Variants in CTNNBL1 observed in about 807,000 individuals in gnomAD.
CTNNBL1 encodes the protein catenin beta like 1, also known as beta-catenin-like protein 1.
A neutral mutation model predicts 72.7 loss-of-function variants in CTNNBL1; 31 were observed. The ratio of observed to expected loss-of-function variants is 0.43; its 90% CI spans 0.32 to 0.58. The LOEUF (loss-of-function observed/expected upper bound fraction) is 0.58. Among genes scored for constraint, CTNNBL1 ranks in the 20% least tolerant of loss-of-function variants. The pLI, the probability that CTNNBL1 is intolerant of heterozygous loss-of-function variation, is 0.08. For missense variants in CTNNBL1, 534 were observed against 725.1 expected (o/e 0.74, Z 3.03); for synonymous variants, 240 against 267.3 (o/e 0.90, Z 1.00).
At chr20:37,786,990 A>C (rs77037603) in intron 10 of CTNNBL1, among the ~76,000 whole-genome samples, 15,326 of 152,184 alleles carry the variant, frequency 0.1, 1,237 homozygotes, top group African/African-American at 0.22. Context: ...AAGTACTATA[A>C]TTATAACATA....
intron 4 of CTNNBL1, among the ~76,000 whole-genome samples, chr20:37,756,115 G>T (rs2073360803): frequency 6.6e-6 from 1 of 152,036 alleles, no homozygotes; most frequent in African/African-American, 2.4e-5. Flanking sequence ...TGTTTTCTGA[G>T]CAGTCTTCTT....
intron 11 of CTNNBL1, among the ~76,000 whole-genome samples, chr20:37,807,280 C>A (rs779083755): frequency 1.3e-5 from 2 of 152,144 alleles, no homozygotes; most frequent in Non-Finnish European, 2.9e-5. Context: ...GCATAGACCC[C>A]AGAATAAAGC....
At chr20:37,720,099 C>T (rs1320913439) in intron 1 of CTNNBL1, among the ~76,000 whole-genome samples, 1 of 152,124 alleles carries the variant, frequency 6.6e-6, no homozygotes, top group Non-Finnish European at 1.5e-5. Context: ...GCAATCTCGG[C>T]TCACTACAAG....
chr20:37,836,039 G>A (rs1016404923), intron 11 of CTNNBL1, among the ~76,000 whole-genome samples: 2 of 152,176 alleles, frequency 1.3e-5, no homozygotes, highest in Non-Finnish European at 2.9e-5. Context: ...TTTTCATGTA[G>A]TTTGATTTTT....
intron 15 of CTNNBL1, among the ~76,000 whole-genome samples, chr20:37,866,053 A>G (rs1032560132): frequency 2.6e-5 from 4 of 152,204 alleles, no homozygotes; most frequent in African/African-American, 9.6e-5. Context: ...ACATGTTGGC[A>G]TGTGCGTGGC....
intron 1 of CTNNBL1, among the ~76,000 whole-genome samples, chr20:37,729,081 G>C (rs1034262795): frequency 1.3e-5 from 2 of 152,194 alleles, no homozygotes; most frequent in Non-Finnish European, 2.9e-5. Flanking sequence ...TTGAATTAAT[G>C]ATTTAAAAAG....
chr20:37,759,223 C>A (rs930523303), intron 5 of CTNNBL1, among the ~76,000 whole-genome samples: 3 of 152,110 alleles, frequency 2.0e-5, no homozygotes, highest in Non-Finnish European at 2.9e-5. Context: ...GTTGGGATGT[C>A]GTTTTGTTTT....
chr20:37,707,559 A>G (rs563269484), intron 1 of CTNNBL1, among the ~76,000 whole-genome samples: 1 of 152,298 alleles, frequency 6.6e-6, no homozygotes, highest in East Asian at 1.9e-4. Flanking sequence ...CTTGCTCTGG[A>G]TTAGGCTTGG....
At chr20:37,825,412 C>G (rs183938010) in intron 11 of CTNNBL1, among the ~76,000 whole-genome samples, 4 of 152,010 alleles carry the variant, frequency 2.6e-5, no homozygotes, top group African/African-American at 9.7e-5. Flanking sequence ...TGACGGCTCA[C>G]GCCTGTAATC....
At chr20:37,786,727 C>G (rs907270759) in intron 10 of CTNNBL1, among the ~76,000 whole-genome samples, 7 of 151,788 alleles carry the variant, frequency 4.6e-5, no homozygotes, top group Admixed American at 2.6e-4. Flanking sequence ...GTGAGTTAAA[C>G]GCTTAATGCT....
At chr20:37,775,666 G>A (rs2122685062) in intron 7 of CTNNBL1, among the ~76,000 whole-genome samples, 1 of 152,312 alleles carries the variant, frequency 6.6e-6, no homozygotes, top group South Asian at 2.1e-4. Context: ...ACAGAGTTCA[G>A]ATCTAAGTTA....
intron 1 of CTNNBL1, among the ~76,000 whole-genome samples, chr20:37,703,965 C>T (rs1414706064): frequency 4.0e-5 from 6 of 151,824 alleles, no homozygotes; most frequent in African/African-American, 7.3e-5. Flanking sequence ...TTAGTAGAAA[C>T]GGGGTTTCTC....
intron 10 of CTNNBL1, 50 bp downstream of exon 10, chr20:37,779,385 CT>C: frequency 6.3e-7 from 1 of 1,591,736 alleles, no homozygotes; most frequent in Non-Finnish European, 8.6e-7. Flanking sequence ...TGACTTTTCA[CT>C]GTTAGCCTGA....
intron 13 of CTNNBL1, among the ~76,000 whole-genome samples, chr20:37,848,356 A>G (rs1221155756): frequency 5.9e-5 from 9 of 151,872 alleles, no homozygotes; most frequent in Admixed American, 5.9e-4. Flanking sequence ...AGGTCTTGCT[A>G]TGTTGCCCAG....
At chr20:37,724,912 T>C (rs931627362) in intron 1 of CTNNBL1, among the ~76,000 whole-genome samples, 17 of 149,084 alleles carry the variant, frequency 1.1e-4, no homozygotes, top group African/African-American at 4.2e-4. Context: ...GTCAATCTTT[T>C]TTTTTTTTTT....
intron 11 of CTNNBL1, among the ~76,000 whole-genome samples, chr20:37,809,218 A>G (rs767094771): frequency 3.3e-5 from 5 of 152,206 alleles, no homozygotes; most frequent in African/African-American, 4.8e-5. Context: ...ACAAAACTAT[A>G]TTACAATTAC....
chr20:37,728,615 G>T (rs972974646), intron 1 of CTNNBL1, among the ~76,000 whole-genome samples: 1 of 152,216 alleles, frequency 6.6e-6, no homozygotes, highest in Non-Finnish European at 1.5e-5. Flanking sequence ...GTTTGAAAAA[G>T]AGATGTTTGA....
In CTNNBL1 at chr20:37,813,481, G is replaced by A. The variant is rs564622055; in HGVS notation, c.1213+10433G>A. ...AATTTCAGTTATTTTGATAGTTTCC[G>A]CTAATTAGCCCAAATTCAGTTTTGA... On this transcript the variant is annotated intron_variant, in intron 11 of 15. Coordinates refer to ENST00000361383, the MANE Select transcript of CTNNBL1 (RefSeq NM_030877.5). Among the ~76,000 whole-genome samples, 7 of 152,288 alleles carry A rather than the reference G, an allele frequency of 4.6e-5. No homozygotes were observed. In the South Asian group the frequency reaches 1.0e-3, roughly 23 times the overall value.
intron 15 of CTNNBL1, among the ~76,000 whole-genome samples, chr20:37,864,307 C>A (rs368368273): frequency 2.5e-4 from 37 of 150,048 alleles, no homozygotes; most frequent in African/African-American, 9.1e-4. Context: ...GTTTGGGTTG[C>A]TTCCTTTTTT....
Sources: gnomAD v4.1 joint callset for allele counts (sites outside exome capture counted in the v4.1 genomes callset) on GRCh38, gnomAD v4.1.1 for gene constraint, MANE v1.5 for transcripts, NCBI Gene and HGNC (gene_info 2026-07-23, HGNC 2026-07-21) for gene names.